CACNA2D1: variants seen among roughly 807,000 people sequenced by gnomAD.
CACNA2D1 encodes the protein voltage-dependent calcium channel subunit alpha-2/delta-1.
A neutral mutation model predicts 171.5 loss-of-function variants in CACNA2D1; 53 were observed. That is an observed-to-expected ratio of 0.31 (90% confidence interval 0.25 to 0.39). The LOEUF (loss-of-function observed/expected upper bound fraction) is 0.39, where lower values mean the gene tolerates loss of function less well. Ranked by LOEUF, CACNA2D1 falls within the 10% of genes least tolerant of loss-of-function variation. The pLI is 1.00. For synonymous variants in CACNA2D1, 442 were observed against 443.1 expected (o/e 1.00, Z 0.03); for missense variants, 903 against 1,299.8 (o/e 0.69, Z 4.69).
chr7:81,982,416 TA>T lies in CACNA2D1; in HGVS notation c.1955+150del, dbSNP rs1471153160. On this transcript the variant is annotated intron_variant, in intron 24 of 38. Transcript: ENST00000356860. The stretch of plus-strand genomic sequence containing the variant: ...TTGAATGAGTAAAGAAATGAATAAA[TA>T]AAGATTTTGTTTCAGTTTTAAAGTA... 6 of 635,392 alleles carry T rather than the reference TA, an allele frequency of 9.4e-6. No homozygotes were observed. The Admixed American group carries it at 1.1e-4, about 11-fold the overall frequency. 39.4% of individuals were successfully genotyped at this position (635,392 alleles called of 1,614,324 possible). A position where few individuals can be genotyped will look rare whatever the true frequency, so the allele number is the denominator to read the frequency against.
At chr7:81,983,711 T>C (rs1424104340) in intron 22 of CACNA2D1, among the ~76,000 whole-genome samples, 2 of 152,182 alleles carry the variant, frequency 1.3e-5, no homozygotes, top group African/African-American at 4.8e-5. Context: ...GAATTGCTGG[T>C]TGTGAAAAGA....
intron 16 of CACNA2D1, 25 bp from the exon 17 acceptor site, chr7:82,005,864 C>T (rs10480895): frequency 7.4e-7 from 1 of 1,348,350 alleles, no homozygotes; most frequent in Admixed American, 1.7e-5. Flanking sequence ...CAAAAAATGG[C>T]ATTTTATGTC....
At position 81,970,736 on chromosome 7, in the gene CACNA2D1, T is replaced by G; in HGVS notation, c.2143A>C (p.Lys715Gln). The G allele has an allele frequency of 1.9e-6, 3 of 1,571,504 alleles. No homozygotes were observed. Among genetic ancestry groups the G allele is most frequent in the Non-Finnish European group, 2.6e-6 (3 of 1,141,752 alleles). ...ACAACAAATCGTGCTTTCACTCCCT[T>G]GCTGAAACAGAAGACAAAACAAGGA... The part of the protein sequence containing the change: ...QNYWSKQKNI[K>Q]GVKARFVVTD... Residue 715 changes from lysine (K) to glutamine (Q), a missense_variant and splice_region_variant, in exon 27 of 39, where the codon AAG (lysine) becomes CAG (glutamine). Lys to Gln is a moderately conservative substitution (Grantham distance 53). Transcript: ENST00000356860.
At chr7:82,053,420 A>C (rs1163973070) in intron 10 of CACNA2D1, among the ~76,000 whole-genome samples, 4 of 152,064 alleles carry the variant, frequency 2.6e-5, no homozygotes, top group African/African-American at 9.7e-5. Flanking sequence ...TTATTTAGTG[A>C]GTTTTCAATC....
At chr7:82,314,341 T>G (rs963173758) in intron 3 of CACNA2D1, among the ~76,000 whole-genome samples, 1 of 152,206 alleles carries the variant, frequency 6.6e-6, no homozygotes. Flanking sequence ...CATTTATTCT[T>G]CCAGTCAGCT....
intron 37 of CACNA2D1, 99 bp from the exon 38 acceptor site, chr7:81,959,456 C>G (rs1188216566): frequency 1.2e-6 from 1 of 853,670 alleles, no homozygotes; most frequent in East Asian, 2.6e-5. Context: ...AGAGAGATAA[C>G]TTATACATCA....
chr7:82,271,629 G>GA (rs1281202883), intron 3 of CACNA2D1, among the ~76,000 whole-genome samples: 9 of 151,924 alleles, frequency 5.9e-5, no homozygotes, highest in Non-Finnish European at 8.8e-5. Flanking sequence ...TTTTGTGTGT[G>GA]AAAAATAGTA....
rs1319331104 is a variant in CACNA2D1, at chr7:82,002,045, AG to A, written c.1590+3377del. 3.6e-3 allele frequency among the ~76,000 whole-genome samples: 486 copies of A among 135,788 alleles called. 1 individual carries two copies. Among genetic ancestry groups the A allele is most frequent in the Non-Finnish European group, 4.4e-3 (275 of 63,100 alleles). The allele number at this position is 135,788 out of a possible 152,430, so 89.1% of individuals were successfully genotyped here. On this transcript the variant is annotated intron_variant, in intron 18 of 38. Coordinates refer to ENST00000356860, the MANE Select transcript of CACNA2D1 (RefSeq NM_000722.4). ...ACAAAAAAAAAAAAAAAAAAAAAAG[AG>A]AGAGAGAGAGAGAGAAATAACAATT... is the stretch of plus-strand genomic sequence containing the variant.
chr7:82,420,322 G>C (rs1428361939), intron 1 of CACNA2D1, among the ~76,000 whole-genome samples: 1 of 152,158 alleles, frequency 6.6e-6, no homozygotes, highest in Non-Finnish European at 1.5e-5. Context: ...GAATTTAGGA[G>C]AGATGAAGGA....
intron 1 of CACNA2D1, among the ~76,000 whole-genome samples, chr7:82,406,403 T>C (rs937387828): frequency 9.9e-5 from 15 of 152,228 alleles, no homozygotes; most frequent in African/African-American, 3.6e-4. Flanking sequence ...TTTGGGTATA[T>C]ACCCAGTAAT....
intron 6 of CACNA2D1, among the ~76,000 whole-genome samples, chr7:82,111,593 G>A (rs935587136): frequency 2.7e-5 from 4 of 150,774 alleles, no homozygotes; most frequent in Admixed American, 1.3e-4. Flanking sequence ...GACTATAGGC[G>A]CATGCCAGCA....
At position 81,968,952 on chromosome 7, in the gene CACNA2D1, T is replaced by G; in HGVS notation, c.2330A>C (p.Glu777Ala). The change falls in exon 29 of 39, where the codon GAA becomes GCA. Residue 777 changes from glutamate to alanine, a missense_variant. Transcript: ENST00000356860. ...YFNKSGPGAY[E>A]SGIMVSKAVE... Reference sequence around the variant, plus strand: ...AGCTTTGCTTACCATAATGCCCGATTCATAGGCACCAGGTCCACTTTCTAA... The same window carrying G: ...AGCTTTGCTTACCATAATGCCCGATGCATAGGCACCAGGTCCACTTTCTAA... The G allele has an allele frequency of 6.3e-7, 1 of 1,589,728 alleles. No homozygotes were observed. Among genetic ancestry groups the G allele is most frequent in the Non-Finnish European group, 8.6e-7 (1 of 1,160,042 alleles).
intron 27 of CACNA2D1, among the ~76,000 whole-genome samples, chr7:81,970,329 G>C (rs1795139630): frequency 1.3e-5 from 2 of 151,352 alleles, no homozygotes; most frequent in Non-Finnish European, 3.0e-5. Flanking sequence ...CATCAAAGAA[G>C]AGTGAAAGAT....
chr7:82,101,451 G>T (rs552299583), intron 6 of CACNA2D1, among the ~76,000 whole-genome samples: 1 of 152,222 alleles, frequency 6.6e-6, no homozygotes, highest in South Asian at 2.1e-4. Flanking sequence ...ACAGATGGAA[G>T]TAATAAGACA....
intron 14 of CACNA2D1, 54 bp from the exon 15 acceptor site, chr7:82,012,297 G>C: frequency 1.1e-6 from 1 of 938,582 alleles, no homozygotes; most frequent in South Asian, 1.3e-5. Context: ...ATGCTGTGTT[G>C]AAATAAAAAT....
At chr7:82,110,616 T>G (rs1282419019) in intron 6 of CACNA2D1, among the ~76,000 whole-genome samples, 1 of 152,170 alleles carries the variant, frequency 6.6e-6, no homozygotes, top group Admixed American at 6.6e-5. Context: ...CCCGTTCGCT[T>G]GCTAACTCTG....
intron 3 of CACNA2D1, among the ~76,000 whole-genome samples, chr7:82,228,498 C>T (rs942064890): frequency 1.8e-4 from 28 of 151,548 alleles, no homozygotes; most frequent in Non-Finnish European, 3.8e-4. Context: ...GTTAGATCAC[C>T]TTTTGTTAAC....
intron 6 of CACNA2D1, among the ~76,000 whole-genome samples, chr7:82,092,921 G>A (rs1300881801): frequency 6.6e-6 from 1 of 151,738 alleles, no homozygotes; most frequent in African/African-American, 2.4e-5. Flanking sequence ...TGAGAGCAGA[G>A]AAATGAAGCC....
At chr7:81,974,088 T>C (rs1795581419) in intron 25 of CACNA2D1, among the ~76,000 whole-genome samples, 1 of 151,990 alleles carries the variant, frequency 6.6e-6, no homozygotes, top group African/African-American at 2.4e-5. Context: ...TTGAAGCATA[T>C]AAATAAATTT....
Sources: gnomAD v4.1 joint callset for allele counts (sites outside exome capture counted in the v4.1 genomes callset) on GRCh38, gnomAD v4.1.1 for gene constraint, MANE v1.5 for transcripts, NCBI Gene and HGNC (gene_info 2026-07-23, HGNC 2026-07-21) for gene names.